Variants in GXYLT2 observed in about 807,000 individuals in gnomAD.
GXYLT2 encodes the protein glycosyltransferase 8 domain containing 4.
In GXYLT2, 53 loss-of-function variants were observed where a neutral mutation model predicts 45.8. That is an observed-to-expected ratio of 1.16 (90% CI 0.93 to 1.46). GXYLT2 has a LOEUF of 1.46. Among genes scored for constraint, GXYLT2 ranks in the 40% most tolerant of loss-of-function variants. The pLI is 0.00. For missense variants in GXYLT2, 551 were observed against 544.4 expected, an observed-to-expected ratio of 1.01 and a Z score of -0.12; for synonymous variants, 219 against 214.2, an observed-to-expected ratio of 1.02 and a Z score of -0.19.
intron 3 of GXYLT2, among the ~76,000 whole-genome samples, chr3:72,931,534 A>T (rs1710036307): frequency 6.6e-6 from 1 of 152,084 alleles, no homozygotes; most frequent in South Asian, 2.1e-4. Flanking sequence ...CGGCCTAAGT[A>T]ACATACTTCT....
At chr3:72,897,050 G>C (rs1350139468) in intron 1 of GXYLT2, among the ~76,000 whole-genome samples, 1 of 152,092 alleles carries the variant, frequency 6.6e-6, no homozygotes, top group Admixed American at 6.6e-5. Context: ...AATATTGAAT[G>C]ATGACTTAAA....
rs548414874 is a variant in GXYLT2 at position 72,952,440 on chromosome 3, A to T, written c.601-2658A>T. On this transcript the variant is annotated intron_variant, in intron 3 of 6. Coordinates refer to ENST00000389617, the MANE Select transcript of GXYLT2 (RefSeq NM_001080393.2). ...CTGTGGCTAATTCTGTGGGCTTCAG[A>T]ATTACTCAGGTCTGAAGTTCCTTTG... Among the ~76,000 whole-genome samples, 11 of 152,282 alleles carry T rather than the reference A, an allele frequency of 7.2e-5. No individual in the cohort carries two copies. The East Asian group carries it at 2.1e-3, about 29-fold the overall frequency.
intron 3 of GXYLT2, among the ~76,000 whole-genome samples, chr3:72,942,490 G>A (rs79895423): frequency 0.023 from 3,537 of 152,162 alleles, 137 homozygotes; most frequent in African/African-American, 0.08. Flanking sequence ...GATTTTTAAA[G>A]TATCTCCTCC....
At chr3:72,971,920 G>A (rs1008167236) in intron 6 of GXYLT2, among the ~76,000 whole-genome samples, 1 of 149,938 alleles carries the variant, frequency 6.7e-6, no homozygotes, top group African/African-American at 2.5e-5. Flanking sequence ...CTGCACTCCA[G>A]CCTGGGCGAC....
At chr3:72,915,574 C>T (rs555410678) in intron 2 of GXYLT2, among the ~76,000 whole-genome samples, 3 of 151,984 alleles carry the variant, frequency 2.0e-5, no homozygotes, top group Admixed American at 6.6e-5. Flanking sequence ...GGGTGGCTCA[C>T]GCCTGTAATC....
At chr3:72,956,759 G>A (rs887058802) in intron 4 of GXYLT2, among the ~76,000 whole-genome samples, 3 of 151,884 alleles carry the variant, frequency 2.0e-5, no homozygotes, top group Admixed American at 6.6e-5. Context: ...GCGTGATGGC[G>A]TGCACCCGTA....
At chr3:72,903,092 G>A (rs915559178) in intron 1 of GXYLT2, among the ~76,000 whole-genome samples, 1 of 152,284 alleles carries the variant, frequency 6.6e-6, no homozygotes, top group African/African-American at 2.4e-5. Flanking sequence ...ATTGTTGTTG[G>A]TGTTGTTGAA....
At chr3:72,890,712 G>T (rs1207412335) in intron 1 of GXYLT2, among the ~76,000 whole-genome samples, 1 of 152,244 alleles carries the variant, frequency 6.6e-6, no homozygotes, top group Non-Finnish European at 1.5e-5. Context: ...TGAACAAAGT[G>T]TCTCTGACTA....
intron 5 of GXYLT2, among the ~76,000 whole-genome samples, chr3:72,965,069 C>T (rs1710838728): frequency 6.6e-6 from 1 of 152,220 alleles, no homozygotes; most frequent in African/African-American, 2.4e-5. Flanking sequence ...AGGATGGCCA[C>T]TACTCCATCC....
At chr3:72,898,818 G>A (rs1398044401) in intron 1 of GXYLT2, among the ~76,000 whole-genome samples, 5 of 151,730 alleles carry the variant, frequency 3.3e-5, no homozygotes, top group African/African-American at 9.7e-5. Context: ...TGCAACCTCC[G>A]CCTTCCGGGT....
chr3:72,925,498 C>G (rs142278230), intron 3 of GXYLT2, among the ~76,000 whole-genome samples: 19 of 151,976 alleles, frequency 1.3e-4, no homozygotes, highest in Non-Finnish European at 2.5e-4. Flanking sequence ...TATATATAAT[C>G]GCATAAAAAC....
intron 2 of GXYLT2, among the ~76,000 whole-genome samples, chr3:72,919,962 T>C (rs1350059445): frequency 6.6e-6 from 1 of 152,184 alleles, no homozygotes; most frequent in Non-Finnish European, 1.5e-5. Flanking sequence ...CATATTGATA[T>C]TGACTTATCA....
chr3:72,953,284 T>A (rs1710562151), intron 3 of GXYLT2, among the ~76,000 whole-genome samples: 1 of 152,066 alleles, frequency 6.6e-6, no homozygotes. Flanking sequence ...TCTCTTAATA[T>A]TATTATTGTC....
At chr3:72,965,028 G>A (rs1454318746) in intron 5 of GXYLT2, among the ~76,000 whole-genome samples, 1 of 152,192 alleles carries the variant, frequency 6.6e-6, no homozygotes, top group Non-Finnish European at 1.5e-5. Context: ...TAATAGAGGA[G>A]TTGTGATTCA....
chr3:72,967,695 A>T lies in GXYLT2; in HGVS notation c.1125A>T (p.Arg375Ser). Reference sequence around the variant, plus strand: ...ATGACGATAAGCAACCAACGTTCAGAGCACTCTATGAAGCAATACGGGATG... The same window carrying T: ...ATGACGATAAGCAACCAACGTTCAGTGCACTCTATGAAGCAATACGGGATG... ...VYHDDKQPTF[R>S]ALYEAIRDFP... The change falls in exon 6 of 7, where the codon AGA becomes AGT. Residue 375 changes from arginine (R) to serine (S), a missense_variant. Transcript: ENST00000389617. 3 of 1,613,916 alleles carry T rather than the reference A, an allele frequency of 1.9e-6. No homozygotes were observed. Among genetic ancestry groups the T allele is most frequent in the Non-Finnish European group, 2.5e-6 (3 of 1,179,836 alleles).
At chr3:72,920,080 CT>C (rs1223266343) in intron 2 of GXYLT2, among the ~76,000 whole-genome samples, 1 of 151,850 alleles carries the variant, frequency 6.6e-6, no homozygotes, top group African/African-American at 2.4e-5. Flanking sequence ...CTCAATTTTT[CT>C]TTTTTCTTGT....
chr3:72,929,019 G>A lies in GXYLT2; in HGVS notation c.600+6684G>A, dbSNP rs1269994852. 4 of 1,396,616 alleles carry A rather than the reference G, an allele frequency of 2.9e-6. No individual in the cohort carries two copies. The East Asian group carries it at 6.9e-5, about 24-fold the overall frequency. The allele number at this position is 1,396,616 out of a possible 1,614,324, so 86.5% of individuals were successfully genotyped here. ...GCCGCTCCAGCGCCGCGCAGCCACC[G>A]CCGCCTCTCCTTAGCCGCCGCCGTG... is the stretch of plus-strand genomic sequence containing the variant. On this transcript the variant is annotated intron_variant, in intron 3 of 6. Coordinates refer to ENST00000389617, the MANE Select transcript of GXYLT2 (RefSeq NM_001080393.2).
chr3:72,901,482 A>G (rs185908095), intron 1 of GXYLT2, among the ~76,000 whole-genome samples: 2 of 142,292 alleles, frequency 1.4e-5, no homozygotes, highest in East Asian at 4.0e-4. Context: ...AAAAAAAAGT[A>G]TACTATTCCA....
intron 2 of GXYLT2, among the ~76,000 whole-genome samples, chr3:72,919,614 G>C (rs1222161515): frequency 1.3e-5 from 2 of 152,204 alleles, no homozygotes; most frequent in African/African-American, 4.8e-5. Flanking sequence ...AAGTAACTGG[G>C]TGTAGTGGCA....
Sources: gnomAD v4.1 joint callset for allele counts (sites outside exome capture counted in the v4.1 genomes callset) on GRCh38, gnomAD v4.1.1 for gene constraint, MANE v1.5 for transcripts, NCBI Gene and HGNC (gene_info 2026-07-23, HGNC 2026-07-21) for gene names.